TTLL7: variants seen among roughly 807,000 people sequenced by gnomAD.
The protein encoded by TTLL7 is tubulin polyglutamylase TTLL7.
TTLL7 carries 53 observed loss-of-function variants against 120.2 expected under a neutral mutation model. That is an observed-to-expected ratio of 0.44 (90% CI 0.35 to 0.55). TTLL7 has a LOEUF of 0.55. TTLL7 is among the 20% of genes least tolerant of loss of function. The probability of loss-of-function intolerance (pLI) is 0.00; values close to 1 mark genes in which losing one functional copy is unlikely to be tolerated. For synonymous variants in TTLL7, 353 were observed against 351.7 expected, an observed-to-expected ratio of 1.00 and a Z score of -0.04; for missense variants, 803 against 1,054.7, an observed-to-expected ratio of 0.76 and a Z score of 3.31.
At chr1:83,932,615 T>A (rs2100821473) in intron 9 of TTLL7, among the ~76,000 whole-genome samples, 1 of 152,124 alleles carries the variant, frequency 6.6e-6, no homozygotes, top group South Asian at 2.1e-4. Context: ...ATTAGAAAAG[T>A]GTCATTTCTT....
intron 10 of TTLL7, among the ~76,000 whole-genome samples, chr1:83,927,782 T>C (rs1384521925): frequency 6.6e-6 from 1 of 152,096 alleles, no homozygotes; most frequent in African/African-American, 2.4e-5. Flanking sequence ...ATAAGAAAAT[T>C]AATTCTATTT....
intron 13 of TTLL7, 73 bp downstream of exon 13, chr1:83,919,626 A>C: frequency 7.4e-7 from 1 of 1,356,672 alleles, no homozygotes; most frequent in East Asian, 2.5e-5. Context: ...ATGTCGGACC[A>C]AGGTGGCTTG....
chr1:83,956,139 T>C (rs977632590), intron 1 of TTLL7, among the ~76,000 whole-genome samples: 1 of 152,158 alleles, frequency 6.6e-6, no homozygotes, highest in Non-Finnish European at 1.5e-5. Context: ...TATTCATTTA[T>C]ATTGTTTTTT....
chr1:83,865,918 G>T lies in TTLL7; in HGVS notation c.*4044C>A, dbSNP rs1439838053. 1 of 151,854 alleles carries T rather than the reference G, an allele frequency of 6.6e-6. No homozygotes were observed. Among genetic ancestry groups the T allele is most frequent in the Non-Finnish European group, 1.5e-5 (1 of 67,800 alleles). The allele number at this position is 151,854 out of a possible 1,614,324, so 9.4% of individuals were successfully genotyped here. On this transcript the variant is annotated 3_prime_UTR_variant, in exon 21 of 21. Transcript: ENST00000260505. ...GTGTAAGTAACAAAATTGTCATCATGAATATATTTCTAAATTTTTATTTAT... is the reference window on the plus strand; with the variant it reads ...GTGTAAGTAACAAAATTGTCATCATTAATATATTTCTAAATTTTTATTTAT...
intron 15 of TTLL7, among the ~76,000 whole-genome samples, chr1:83,908,936 C>A (rs887310814): frequency 2.0e-5 from 3 of 151,886 alleles, no homozygotes; most frequent in African/African-American, 7.2e-5. Context: ...TTAAAAAAAA[C>A]TTCTCTTTGT....
chr1:83,917,500 T>G, intron 14 of TTLL7, 104 bp downstream of exon 14: 1 of 787,404 alleles, frequency 1.3e-6, no homozygotes, highest in South Asian at 1.8e-5. Context: ...ACACAGTCCC[T>G]GTGGTTCCTT....
chr1:83,886,632 C>A (rs1654997915), intron 19 of TTLL7, among the ~76,000 whole-genome samples: 1 of 151,966 alleles, frequency 6.6e-6, no homozygotes, highest in African/African-American at 2.4e-5. Flanking sequence ...ACATGACAAA[C>A]CCCAACAGGA....
intron 1 of TTLL7, among the ~76,000 whole-genome samples, chr1:83,977,241 C>A (rs1459808599): frequency 1.3e-5 from 2 of 151,870 alleles, no homozygotes; most frequent in Non-Finnish European, 2.9e-5. Context: ...CTAAAATTTA[C>A]TTAGCATTAG....
At chr1:83,916,292 C>T (rs888453886) in intron 14 of TTLL7, among the ~76,000 whole-genome samples, 1 of 152,040 alleles carries the variant, frequency 6.6e-6, no homozygotes, top group Non-Finnish European at 1.5e-5. Flanking sequence ...ACATATACAC[C>T]ATGGAATACT....
intron 1 of TTLL7, among the ~76,000 whole-genome samples, chr1:83,965,893 T>C (rs530338160): frequency 5.3e-4 from 81 of 152,212 alleles, no homozygotes; most frequent in South Asian, 4.6e-3. Context: ...TAGGTAGTAA[T>C]TGGTGAGAAT....
At chr1:83,904,422 G>A (rs756865207) in intron 17 of TTLL7, among the ~76,000 whole-genome samples, 2 of 152,040 alleles carry the variant, frequency 1.3e-5, no homozygotes, top group Non-Finnish European at 2.9e-5. Flanking sequence ...ATCACTTGAG[G>A]CCAGGAGTTC....
chr1:83,937,323 C>T (rs1449678804), intron 8 of TTLL7, among the ~76,000 whole-genome samples: 2 of 151,808 alleles, frequency 1.3e-5, no homozygotes, highest in African/African-American at 4.8e-5. Flanking sequence ...TCTGCCTCAG[C>T]CCCGAGTAGC....
chr1:83,892,328 G>GTATATATGAATATGTATACGAA (rs1655596060), intron 18 of TTLL7, among the ~76,000 whole-genome samples: 1 of 26,820 alleles, frequency 3.7e-5, no homozygotes, highest in Non-Finnish European at 6.9e-5. Context: ...GAATATATAT[G>GTATATATGAATATGTATACGAA]TATATATGAA....
intron 10 of TTLL7, among the ~76,000 whole-genome samples, chr1:83,928,169 A>T (rs745492354): frequency 6.6e-5 from 10 of 152,162 alleles, no homozygotes; most frequent in Non-Finnish European, 1.5e-4. Context: ...AAAAAAACTA[A>T]ACACAAGGCT....
At chr1:83,903,459 C>T (rs1011403369) in intron 18 of TTLL7, among the ~76,000 whole-genome samples, 1 of 151,738 alleles carries the variant, frequency 6.6e-6, no homozygotes, top group Non-Finnish European at 1.5e-5. Context: ...TACAGTCATC[C>T]CTCTCCACCT....
At chr1:83,879,165 C>T (rs1175135538) in intron 20 of TTLL7, among the ~76,000 whole-genome samples, 3 of 151,890 alleles carry the variant, frequency 2.0e-5, no homozygotes, top group Admixed American at 1.3e-4. Flanking sequence ...GTGACTTCTA[C>T]ATTTAAGTAA....
intron 18 of TTLL7, among the ~76,000 whole-genome samples, chr1:83,896,410 G>A (rs1456385787): frequency 6.6e-6 from 1 of 152,046 alleles, no homozygotes; most frequent in African/African-American, 2.4e-5. Flanking sequence ...TTTTGCAAAA[G>A]CATACAGATG....
intron 1 of TTLL7, among the ~76,000 whole-genome samples, chr1:83,985,722 A>C (rs1036200434): frequency 2.0e-5 from 3 of 152,166 alleles, no homozygotes; most frequent in African/African-American, 7.2e-5. Context: ...AAAATTTTAA[A>C]AAACCTATCT....
At chr1:83,950,081 A>G in intron 3 of TTLL7, 95 bp from the exon 4 acceptor site, 1 of 1,127,410 alleles carries the variant, frequency 8.9e-7, no homozygotes, top group Non-Finnish European at 1.2e-6. Context: ...AGTTCATAGT[A>G]TTTCATTTGA....
Sources: gnomAD v4.1 joint callset for allele counts (sites outside exome capture counted in the v4.1 genomes callset) on GRCh38, gnomAD v4.1.1 for gene constraint, MANE v1.5 for transcripts, NCBI Gene and HGNC (gene_info 2026-07-23, HGNC 2026-07-21) for gene names.